The following MYO15B variants were observed in gnomAD, a reference collection of about 807,000 sequenced individuals.
The protein encoded by MYO15B is myosin XVB, also known as myosin XVB pseudogene.
In MYO15B, 207 loss-of-function variants were observed where a neutral mutation model predicts 119.3. The observed-to-expected ratio is 1.73, with a 90% confidence interval of 1.55 to 1.95. The LOEUF (loss-of-function observed/expected upper bound fraction) is 1.95. Ranked by LOEUF, MYO15B falls within the 30% of genes most tolerant of loss-of-function variation. The pLI, the probability that MYO15B is intolerant of heterozygous loss-of-function variation, is 0.00. For missense variants in MYO15B, 2,264 were observed against 1,203.1 expected, an observed-to-expected ratio of 1.88 and a Z score of -13.04; for synonymous variants, 966 against 498.9, an observed-to-expected ratio of 1.94 and a Z score of -12.48.
At chr17:75,596,586 G>T (rs1282431397) in intron 13 of MYO15B, 31 bp downstream of exon 13, 4 of 702,366 alleles carry the variant, frequency 5.7e-6, no homozygotes, top group Non-Finnish European at 1.0e-5. Flanking sequence ...CGTGGCAGGG[G>T]CCGCTCAGGC....
chr17:75,592,805 CTGCAGCTGGGCAACATCT>C, exon 9 of MYO15B: 1 of 702,672 alleles, frequency 1.4e-6, no homozygotes, highest in South Asian at 1.5e-5. Context: ...GGCCGCCATC[CTGCAGCTGGGCAACATCT>C]GCTTCTCCTC....
chr17:75,605,416 A>G (rs2057573496), intron 19 of MYO15B, 88 bp from the exon 20 acceptor site: 5 of 642,836 alleles, frequency 7.8e-6, no homozygotes, highest in Admixed American at 2.5e-5. Flanking sequence ...CCGCCTGGGC[A>G]AAAGAGCGAG....
chr17:75,619,163 C>T (rs756308270), exon 44 of MYO15B: 27 of 702,792 alleles, frequency 3.8e-5, no homozygotes, highest in Admixed American at 1.4e-4. Context: ...ACACCTTCTC[C>T]GAGTCCTGTA....
At chr17:75,592,000 C>T (rs1405905286) in exon 6 of MYO15B, 1 of 702,742 alleles carries the variant, frequency 1.4e-6, no homozygotes, top group South Asian at 1.5e-5. Flanking sequence ...TGCCTATACT[C>T]AGCAGCTTTG....
At chr17:75,620,855 C>T (rs2058667419) in intron 49 of MYO15B, 176 bp from the exon 50 acceptor site, 4 of 701,760 alleles carry the variant, frequency 5.7e-6, no homozygotes, top group African/African-American at 1.7e-5. Flanking sequence ...GCTCTTGTGT[C>T]CCACGTGGTA....
chr17:75,610,934 G>A (rs1223072582), exon 23 of MYO15B: 15 of 702,952 alleles, frequency 2.1e-5, no homozygotes, highest in Middle Eastern at 2.3e-4. Flanking sequence ...AGCAGCGAAA[G>A]GGCCTTGGAG....
chr17:75,617,746 G>A lies in MYO15B; in HGVS notation c.6815-64G>A, dbSNP rs546652801. ...CGTGGGGATGAAGGTCTTCCCTCCC[G>A]TGCCCCCATCACTCTGGCTCTGCAG... On this transcript the variant is annotated intron_variant, in intron 41 of 63. Coordinates refer to ENST00000645453, the Ensembl canonical transcript of MYO15B. The A allele has an allele frequency of 3.6e-5, 24 of 658,060 alleles. 1 individual carries two copies. The highest frequency in any genetic ancestry group is 5.5e-5 in the East Asian group (2 of 36,618). The allele number at this position is 658,060 out of a possible 1,614,324, so 40.8% of individuals were successfully genotyped here.
chr17:75,610,510 CA>C lies in MYO15B; in HGVS notation c.4386+252del, dbSNP rs2057957650. Among the ~76,000 whole-genome samples the C allele has an allele frequency of 5.9e-5, 9 of 152,208 alleles. No individual in the cohort carries two copies. The South Asian group carries it at 1.9e-3, about 31-fold the overall frequency. On this transcript the variant is annotated intron_variant, in intron 22 of 63. Transcript: ENST00000645453. The stretch of plus-strand genomic sequence containing the variant: ...GCTCTTCCCTCTTGCCTGGGGTTCC[CA>C]TCCCCTCCAGGCCTCCCCTGGGCCC...
chr17:75,610,119 A>G (rs748752721), intron 21 of MYO15B, 47 bp from the exon 22 acceptor site: 3 of 647,742 alleles, frequency 4.6e-6, no homozygotes, highest in Non-Finnish European at 8.5e-6. Context: ...GGCAGGAAGC[A>G]TAAGTTTGGA....
chr17:75,624,911 A>G, exon 59 of MYO15B: 1 of 702,534 alleles, frequency 1.4e-6, no homozygotes. Flanking sequence ...CACCCACTAC[A>G]GCCAGGTCAG....
rs17852461 is a variant in MYO15B, at chr17:75,624,810, A to G, written c.8582A>G (p.Asn2861Ser). 9.4e-5 allele frequency: 66 copies of G among 702,968 alleles called. 1 individual carries two copies. In the South Asian group the frequency reaches 9.5e-4, roughly 10 times the overall value. The allele number at this position is 702,968 out of a possible 1,614,324, so 43.5% of individuals were successfully genotyped here. ...CCCCTGCAGCCCGCCGAATACCTCA[A>G]CAGCGTGGTAGTGGACCAGGACGTG... Residue 2861 changes from asparagine to serine, a missense_variant, in exon 59 of 64, where the codon AAC (asparagine) becomes AGC (serine). By Grantham distance (46) the Asn-to-Ser change is conservative. Transcript: ENST00000645453.
At position 75,617,110 on chromosome 17, in the gene MYO15B, G is replaced by GC. The variant is rs1288011388; in HGVS notation, c.6626dup (p.Pro2210AlafsTer17). 1.5e-6 allele frequency: 1 copy of GC among 676,136 alleles called. No homozygotes were observed. The highest frequency in any genetic ancestry group is 2.1e-5 in the Admixed American group (1 of 46,864). The allele number at this position is 676,136 out of a possible 1,614,324, so 41.9% of individuals were successfully genotyped here. ...ATGCTGTCCCCCAGCCCAGGAAAGG[G>GC]CCCCCCGCCAGCTGTGGCTCCTCGA... On this transcript the variant is annotated frameshift_variant, in exon 41 of 64. Coordinates refer to ENST00000645453, the Ensembl canonical transcript of MYO15B. LOFTEE classifies it high-confidence loss of function.
Position 75,616,078 on chromosome 17 carries a change from G to A in MYO15B, c.6040G>A (p.Glu2014Lys), listed in dbSNP as rs115791522. The change falls in exon 37 of 64, where the codon GAG (glutamate) becomes AAG (lysine). Residue 2014 changes from glutamate to lysine, a missense_variant. Coordinates refer to ENST00000645453, the Ensembl canonical transcript of MYO15B. ...TTTCTGCTTCTGCCAGGAGACCTCC[G>A]AGGAGGCTGAAGACAGGCCCTATCA... 8.4e-4 allele frequency: 488 copies of A among 579,418 alleles called. No homozygotes were observed. The African/African-American group carries it at 8.4e-3, about 10-fold the overall frequency. The allele number at this position is 579,418 out of a possible 1,614,324, so 35.9% of individuals were successfully genotyped here.
intron 12 of MYO15B, among the ~76,000 whole-genome samples, chr17:75,596,079 C>T (rs1461254752): frequency 6.6e-6 from 1 of 152,178 alleles, no homozygotes; most frequent in Non-Finnish European, 1.5e-5. Context: ...GGAGCACTTC[C>T]TATAGGAGGA....
In MYO15B at chr17:75,598,299, C is replaced by A. The variant is rs920370227; in HGVS notation, c.3525+1400C>A. Among the ~76,000 whole-genome samples, 5 of 150,400 alleles carry A rather than the reference C, an allele frequency of 3.3e-5. No homozygotes were observed. The East Asian group carries it at 9.8e-4, about 29-fold the overall frequency. On this transcript the variant is annotated intron_variant, in intron 14 of 63. Coordinates refer to ENST00000645453, the Ensembl canonical transcript of MYO15B. ...AGAAAAGAAAAGAAAAGAAAATGGG[C>A]CAGGCGCGGTGGCTCACGCCTGTAA...
Position 75,617,361 on chromosome 17 carries a change from G to T in MYO15B, c.6814+57G>T, listed in dbSNP as rs576891342. The T allele has an allele frequency of 8.5e-6, 5 of 586,668 alleles. No homozygotes were observed. The African/African-American group carries it at 9.4e-5, about 11-fold the overall frequency. 36.3% of individuals were successfully genotyped at this position (586,668 alleles called of 1,614,324 possible). On this transcript the variant is annotated intron_variant, in intron 41 of 63. Transcript: ENST00000645453. ...CTTCACTGGGGCAGAGGCAGGGTTC[G>T]CACAGACTCTCGGTGCCCAGGGCTG... is the stretch of plus-strand genomic sequence containing the variant.
exon 10 of MYO15B, chr17:75,594,547 C>A: frequency 1.6e-6 from 1 of 644,670 alleles, no homozygotes. Flanking sequence ...GCTGCGGGTA[C>A]CACCAGAGTG....
intron 23 of MYO15B, 36 bp from the exon 24 acceptor site, chr17:75,611,565 C>T (rs1370537138): frequency 2.8e-6 from 2 of 702,354 alleles, no homozygotes; most frequent in African/African-American, 3.5e-5. Flanking sequence ...CTAGGCCCCT[C>T]CTGTGGATCC....
At chr17:75,593,197 TAAAA>T (rs5822094) in intron 9 of MYO15B, among the ~76,000 whole-genome samples, 2 of 74,228 alleles carry the variant, frequency 2.7e-5, no homozygotes, top group East Asian at 9.6e-4. Flanking sequence ...CCGTCTCTAT[TAAAA>T]AAAAAAAAAA....
Sources: allele counts gnomAD v4.1 joint callset (sites outside exome capture counted in the v4.1 genomes callset), GRCh38; gene constraint gnomAD v4.1.1; transcripts MANE v1.5; gene names NCBI Gene and HGNC (gene_info 2026-07-23, HGNC 2026-07-21).